Variants in LINGO1 observed in about 807,000 individuals in gnomAD.
The protein encoded by LINGO1 is leucine-rich repeat and immunoglobulin-like domain-containing nogo receptor-interacting protein 1.
Under a neutral mutation model 37.3 loss-of-function variants are expected in LINGO1, and 11 were observed. That is an observed-to-expected ratio of 0.29 (90% confidence interval 0.19 to 0.49). The LOEUF (loss-of-function observed/expected upper bound fraction) is 0.49. LINGO1 is among the 20% of genes least tolerant of loss of function. The pLI is 0.99. For synonymous variants in LINGO1, 387 were observed against 403.0 expected (o/e 0.96, Z 0.48); for missense variants, 585 against 878.2 (o/e 0.67, Z 4.22).
intron 1 of LINGO1, among the ~76,000 whole-genome samples, chr15:77,619,741 T>TAAAATAAAATAAAATAAAAAA (rs1324687505): frequency 1.0e-3 from 143 of 142,010 alleles, no homozygotes; most frequent in African/African-American, 3.4e-3. Context: ...TAAAATAAAA[T>TAAAATAAAATAAAATAAAAAA]AAAAAAGAAA....
At chr15:77,621,374 C>T (rs895630491) in intron 1 of LINGO1, among the ~76,000 whole-genome samples, 1 of 152,192 alleles carries the variant, frequency 6.6e-6, no homozygotes, top group African/African-American at 2.4e-5. Context: ...GGCTTTATAC[C>T]CATTGTCTCA....
intron 3 of LINGO1, among the ~76,000 whole-genome samples, chr15:77,658,706 A>G (rs1368796181): frequency 6.6e-6 from 1 of 152,204 alleles, no homozygotes; most frequent in East Asian, 1.9e-4. Context: ...ATCCTAGGAG[A>G]CACCTCGGTT....
intron 2 of LINGO1, among the ~76,000 whole-genome samples, chr15:77,710,312 T>C (rs1435454687): frequency 6.6e-6 from 1 of 152,218 alleles, no homozygotes; most frequent in Non-Finnish European, 1.5e-5. Flanking sequence ...CAGCTCTAAA[T>C]GCTGGTTAAT....
chr15:77,777,443 G>T (rs919191652), intron 1 of LINGO1, among the ~76,000 whole-genome samples: 1 of 127,062 alleles, frequency 7.9e-6, no homozygotes, highest in African/African-American at 2.9e-5. Context: ...CAGTGAAACA[G>T]ATTTTGGACA....
chr15:77,622,563 G>A (rs565368200), intron 1 of LINGO1, among the ~76,000 whole-genome samples: 2 of 152,358 alleles, frequency 1.3e-5, no homozygotes, highest in African/African-American at 4.8e-5. Flanking sequence ...TGGGCTCCTT[G>A]TGACTTGTCC....
At chr15:77,761,515 C>T (rs147563893) in intron 1 of LINGO1, among the ~76,000 whole-genome samples, 62 of 152,312 alleles carry the variant, frequency 4.1e-4, no homozygotes, top group Non-Finnish European at 5.1e-4. Flanking sequence ...TTCAAATACA[C>T]GTAATGGGCT....
chr15:77,726,291 G>T (rs1461444788), intron 2 of LINGO1, among the ~76,000 whole-genome samples: 1 of 152,226 alleles, frequency 6.6e-6, no homozygotes, highest in Non-Finnish European at 1.5e-5. Context: ...CTGGAGATGG[G>T]TGAGGAAGAA....
At chr15:77,761,039 G>A (rs976210789) in intron 1 of LINGO1, among the ~76,000 whole-genome samples, 1 of 143,106 alleles carries the variant, frequency 7.0e-6, no homozygotes, top group Non-Finnish European at 1.5e-5. Flanking sequence ...TGATTCTTTC[G>A]CCTCAGCCTC....
chr15:77,698,573 TG>T (rs1317351561), upstream of LINGO1, among the ~76,000 whole-genome samples: 2 of 152,122 alleles, frequency 1.3e-5, no homozygotes, highest in African/African-American at 4.8e-5. Context: ...GGCTGGCTCA[TG>T]GTCCTCCGGG....
chr15:77,635,055 C>T (rs962500638), upstream of LINGO1, among the ~76,000 whole-genome samples: 2 of 152,222 alleles, frequency 1.3e-5, no homozygotes, highest in African/African-American at 4.8e-5. Flanking sequence ...TTCCACCCCG[C>T]TAACCCCCAG....
intron 3 of LINGO1, among the ~76,000 whole-genome samples, chr15:77,658,899 C>T (rs9652488): frequency 1.3e-5 from 2 of 152,036 alleles, no homozygotes; most frequent in Non-Finnish European, 2.9e-5. Flanking sequence ...ACAAAGGGCC[C>T]GTGGGCCCTG....
Position 77,615,055 on chromosome 15 carries a change from G to A in LINGO1, c.852C>T (p.Arg284=), listed in dbSNP as rs1308207324. The change falls in exon 2 of 2, where the codon CGC becomes CGT. Residue 284 remains arginine (R), a synonymous_variant. Coordinates refer to ENST00000355300, the MANE Select transcript of LINGO1 (RefSeq NM_032808.7). ...NLTAVPYLAV[R]HLVYLRFLNL... is the part of the protein sequence containing the mutation. The stretch of plus-strand genomic sequence containing the variant: ...TGAGGAAGCGGAGATAGACTAGGTG[G>A]CGGACGGCCAGGTAGGGCACAGCGG... 1.9e-6 allele frequency: 3 copies of A among 1,614,056 alleles called. No homozygotes were observed. The East Asian group carries it at 6.7e-5, about 36-fold the overall frequency.
At chr15:77,700,470 G>A (rs1377845488), upstream of LINGO1, among the ~76,000 whole-genome samples, 1 of 152,024 alleles carries the variant, frequency 6.6e-6, no homozygotes, top group Non-Finnish European at 1.5e-5. Context: ...AAGCGTTTCG[G>A]GCACATACCC....
At chr15:77,774,496 G>A (rs1055804415) in intron 1 of LINGO1, among the ~76,000 whole-genome samples, 2 of 152,124 alleles carry the variant, frequency 1.3e-5, no homozygotes, top group Admixed American at 6.5e-5. Flanking sequence ...GGAACCCCAC[G>A]GGAACTCCAT....
At chr15:77,619,794 G>A (rs2073863087) in intron 1 of LINGO1, among the ~76,000 whole-genome samples, 1 of 152,220 alleles carries the variant, frequency 6.6e-6, no homozygotes, top group Non-Finnish European at 1.5e-5. Flanking sequence ...CTGTACAGCT[G>A]CCACCCCCAG....
chr15:77,797,300 T>A (rs2076881397), intron 1 of LINGO1, among the ~76,000 whole-genome samples: 1 of 152,220 alleles, frequency 6.6e-6, no homozygotes, highest in Non-Finnish European at 1.5e-5. Flanking sequence ...TTCAATCAGA[T>A]CTGTGTTTCC....
intron 2 of LINGO1, among the ~76,000 whole-genome samples, chr15:77,732,799 C>T (rs1018991495): frequency 3.3e-5 from 5 of 152,228 alleles, no homozygotes; most frequent in Admixed American, 3.3e-4. Flanking sequence ...TCCTTCCCGG[C>T]TCCCATGCCC....
intron 2 of LINGO1, among the ~76,000 whole-genome samples, chr15:77,708,174 C>T (rs988004814): frequency 1.3e-5 from 2 of 152,144 alleles, no homozygotes; most frequent in East Asian, 3.9e-4. Context: ...TGTTGGGACC[C>T]AGGCTGAGTC....
At chr15:77,638,268 C>T (rs879342119), upstream of LINGO1, among the ~76,000 whole-genome samples, 2 of 150,820 alleles carry the variant, frequency 1.3e-5, no homozygotes, top group Admixed American at 6.6e-5. Context: ...AAGGGCCCCT[C>T]AGCACTACCC....
Sources: gnomAD v4.1 joint callset for allele counts (sites outside exome capture counted in the v4.1 genomes callset) on GRCh38, gnomAD v4.1.1 for gene constraint, MANE v1.5 for transcripts, NCBI Gene and HGNC (gene_info 2026-07-23, HGNC 2026-07-21) for gene names.